Variants in PLCB1 observed in about 807,000 individuals in gnomAD.
PLCB1 encodes the protein phospholipase C beta 1, also known as 1-phosphatidylinositol 4,5-bisphosphate phosphodiesterase beta-1.
In PLCB1, 46 loss-of-function variants were observed where a neutral mutation model predicts 161.8. The ratio of observed to expected loss-of-function variants is 0.28; its 90% confidence interval spans 0.22 to 0.36. PLCB1 has a LOEUF of 0.36. Ranked by LOEUF, PLCB1 falls within the 10% of genes least tolerant of loss-of-function variation. The pLI is 1.00. For synonymous variants in PLCB1, 517 were observed against 503.7 expected (o/e 1.03, Z -0.35); for missense variants, 1,016 against 1,472.5 (o/e 0.69, Z 5.07).
intron 2 of PLCB1, among the ~76,000 whole-genome samples, chr20:8,343,264 C>T (rs1985878594): frequency 6.6e-6 from 1 of 152,226 alleles, no homozygotes; most frequent in Non-Finnish European, 1.5e-5. Flanking sequence ...CCAAATCACA[C>T]TTTGTATAGC....
At chr20:8,266,606 T>C (rs1021709498) in intron 2 of PLCB1, among the ~76,000 whole-genome samples, 3 of 152,284 alleles carry the variant, frequency 2.0e-5, no homozygotes, top group South Asian at 4.1e-4. Flanking sequence ...GGGGTGCTAA[T>C]GAAACCAATC....
intron 29 of PLCB1, among the ~76,000 whole-genome samples, chr20:8,789,044 C>T (rs1458375351): frequency 6.6e-6 from 1 of 152,170 alleles, no homozygotes; most frequent in Non-Finnish European, 1.5e-5. Context: ...TTGGGAGGAA[C>T]CTGACCTTTG....
intron 3 of PLCB1, among the ~76,000 whole-genome samples, chr20:8,496,947 C>A (rs1264936236): frequency 6.6e-6 from 1 of 152,148 alleles, no homozygotes; most frequent in Non-Finnish European, 1.5e-5. Context: ...CAAAGAAGTA[C>A]AGGACTTGTA....
chr20:8,420,536 C>T (rs1568669242), intron 3 of PLCB1, among the ~76,000 whole-genome samples: 1 of 152,180 alleles, frequency 6.6e-6, no homozygotes, highest in Non-Finnish European at 1.5e-5. Context: ...ACTCCCCACC[C>T]TCTTTTGGAA....
At chr20:8,881,327 CCGTG>C (rs899355664) in intron 31 of PLCB1, among the ~76,000 whole-genome samples, 18 of 70,584 alleles carry the variant, frequency 2.6e-4, no homozygotes, top group Non-Finnish European at 4.8e-4. Context: ...TTCAAAAGAC[CCGTG>C]TGTGTGTGTG....
At chr20:8,852,801 A>G (rs1261025164) in intron 31 of PLCB1, among the ~76,000 whole-genome samples, 2 of 152,346 alleles carry the variant, frequency 1.3e-5, no homozygotes, top group South Asian at 2.1e-4. Flanking sequence ...TACCTCACCA[A>G]TGCTAGATCC....
intron 2 of PLCB1, among the ~76,000 whole-genome samples, chr20:8,241,672 G>A (rs760786867): frequency 9.9e-5 from 15 of 151,758 alleles, no homozygotes; most frequent in Admixed American, 6.6e-4. Context: ...TTTGATTTCC[G>A]TATCAGGAAA....
intron 3 of PLCB1, among the ~76,000 whole-genome samples, chr20:8,528,522 T>TC (rs1461090193): frequency 6.6e-6 from 1 of 152,036 alleles, no homozygotes; most frequent in Non-Finnish European, 1.5e-5. Flanking sequence ...AACAGTGATT[T>TC]ACCTCTAGTG....
chr20:8,460,646 C>T (rs1253753873), intron 3 of PLCB1, among the ~76,000 whole-genome samples: 1 of 152,166 alleles, frequency 6.6e-6, no homozygotes, highest in Non-Finnish European at 1.5e-5. Context: ...ATGTAAAGTT[C>T]TTTATGTTTT....
intron 31 of PLCB1, among the ~76,000 whole-genome samples, chr20:8,865,213 C>T (rs917721676): frequency 2.6e-5 from 4 of 152,030 alleles, no homozygotes; most frequent in African/African-American, 9.7e-5. Context: ...AGTAAAAGTT[C>T]CCCTGGGCTT....
At chr20:8,528,718 T>A (rs1273523423) in intron 3 of PLCB1, among the ~76,000 whole-genome samples, 1 of 151,934 alleles carries the variant, frequency 6.6e-6, no homozygotes, top group Non-Finnish European at 1.5e-5. Context: ...AAAGCCTTAT[T>A]TGTTCAATCC....
chr20:8,514,710 A>T (rs969338049), intron 3 of PLCB1, among the ~76,000 whole-genome samples: 1 of 152,336 alleles, frequency 6.6e-6, no homozygotes, highest in South Asian at 2.1e-4. Context: ...ATTGTGGCTA[A>T]AAGTTAAAAC....
chr20:8,614,258 A>C (rs1414973639), intron 3 of PLCB1, among the ~76,000 whole-genome samples: 1 of 152,104 alleles, frequency 6.6e-6, no homozygotes, highest in East Asian at 1.9e-4. Flanking sequence ...ATAAGTTGAA[A>C]TATCAATACC....
intron 3 of PLCB1, among the ~76,000 whole-genome samples, chr20:8,584,754 G>T (rs1019333892): frequency 2.6e-5 from 4 of 151,920 alleles, no homozygotes; most frequent in Non-Finnish European, 5.9e-5. Context: ...GCAATGGCAC[G>T]ATCTCGGCTC....
chr20:8,182,197 G>C (rs1172667206), intron 2 of PLCB1, among the ~76,000 whole-genome samples: 1 of 152,190 alleles, frequency 6.6e-6, no homozygotes, highest in Non-Finnish European at 1.5e-5. Flanking sequence ...GTGTGCAGCA[G>C]CTTTCCAGTG....
At chr20:8,813,540 T>C (rs2146255410) in intron 31 of PLCB1, among the ~76,000 whole-genome samples, 1 of 152,094 alleles carries the variant, frequency 6.6e-6, no homozygotes, top group South Asian at 2.1e-4. Context: ...GTTGTAAAAA[T>C]GAATGAGGGC....
chr20:8,378,152 T>C (rs1469430082), intron 3 of PLCB1, among the ~76,000 whole-genome samples: 1 of 152,220 alleles, frequency 6.6e-6, no homozygotes, highest in Non-Finnish European at 1.5e-5. Flanking sequence ...CGCATACACT[T>C]ACAATGGAAT....
intron 31 of PLCB1, among the ~76,000 whole-genome samples, chr20:8,800,434 AAG>A (rs913677222): frequency 2.1e-5 from 3 of 142,138 alleles, no homozygotes; most frequent in Admixed American, 1.4e-4. Flanking sequence ...TCAGATTTTA[AAG>A]AGTCACACAC....
intron 3 of PLCB1, among the ~76,000 whole-genome samples, chr20:8,420,121 A>G (rs1021316005): frequency 6.6e-5 from 10 of 152,178 alleles, no homozygotes; most frequent in African/African-American, 1.9e-4. Context: ...AAAGCCCTTA[A>G]TTTCCTTACC....
Sources: gnomAD v4.1 joint callset for allele counts (sites outside exome capture counted in the v4.1 genomes callset) on GRCh38, gnomAD v4.1.1 for gene constraint, MANE v1.5 for transcripts, NCBI Gene and HGNC (gene_info 2026-07-23, HGNC 2026-07-21) for gene names.